KCNMB4: variants seen among roughly 807,000 people sequenced by gnomAD.
KCNMB4 encodes potassium calcium-activated channel subfamily M regulatory beta subunit 4.
KCNMB4 carries 3 observed loss-of-function variants against 20.7 expected under a neutral mutation model. That is an observed-to-expected ratio of 0.14 (90% CI 0.07 to 0.37). The LOEUF (loss-of-function observed/expected upper bound fraction) is 0.37. KCNMB4 is among the 10% of genes least tolerant of loss of function. The pLI is 1.00. For missense variants in KCNMB4, 168 were observed against 265.9 expected (o/e 0.63, Z 2.56); for synonymous variants, 110 against 113.4 (o/e 0.97, Z 0.19).
At chr12:70,408,402 C>T (rs558536758) in intron 2 of KCNMB4, among the ~76,000 whole-genome samples, 46 of 152,290 alleles carry the variant, frequency 3.0e-4, no homozygotes, top group Non-Finnish European at 5.6e-4. Context: ...CTTTCGATTT[C>T]GCTCAAATGC....
At chr12:70,381,360 C>G (rs1883783157) in intron 1 of KCNMB4, among the ~76,000 whole-genome samples, 1 of 152,108 alleles carries the variant, frequency 6.6e-6, no homozygotes, top group Non-Finnish European at 1.5e-5. Context: ...GCCATGTGAC[C>G]AAGCAACTTT....
At chr12:70,381,499 T>G (rs1046417552) in intron 1 of KCNMB4, among the ~76,000 whole-genome samples, 2 of 152,204 alleles carry the variant, frequency 1.3e-5, no homozygotes, top group Non-Finnish European at 2.9e-5. Context: ...AACTGATGAA[T>G]GGATAAATGA....
chr12:70,384,023 C>T (rs551553094), intron 1 of KCNMB4, among the ~76,000 whole-genome samples: 357 of 152,222 alleles, frequency 2.3e-3, no homozygotes, highest in Middle Eastern at 0.014. Flanking sequence ...GAGCCGAGAC[C>T]GTGCCACTGC....
At chr12:70,379,672 A>G (rs1276029195) in intron 1 of KCNMB4, among the ~76,000 whole-genome samples, 1 of 152,192 alleles carries the variant, frequency 6.6e-6, no homozygotes, top group African/African-American at 2.4e-5. Context: ...TTCTCCCTTC[A>G]GAATGCTGGG....
chr12:70,399,255 G>A (rs956071815), intron 1 of KCNMB4, among the ~76,000 whole-genome samples: 13 of 152,206 alleles, frequency 8.5e-5, no homozygotes, highest in Non-Finnish European at 1.0e-4. Context: ...TCTATGTTGT[G>A]TTGGTTTGGT....
intron 2 of KCNMB4, among the ~76,000 whole-genome samples, chr12:70,429,666 C>T (rs1488203218): frequency 8.5e-6 from 1 of 117,188 alleles, no homozygotes; most frequent in Non-Finnish European, 1.7e-5. Context: ...GACTCCATCT[C>T]AAAAAAAAAA....
At chr12:70,394,938 A>G (rs997439818) in intron 1 of KCNMB4, among the ~76,000 whole-genome samples, 1 of 152,172 alleles carries the variant, frequency 6.6e-6, no homozygotes, top group African/African-American at 2.4e-5. Context: ...ACATGTTGGG[A>G]TTACAGGCTT....
chr12:70,411,943 T>C (rs576356357), intron 2 of KCNMB4, among the ~76,000 whole-genome samples: 65 of 152,100 alleles, frequency 4.3e-4, no homozygotes, highest in African/African-American at 1.4e-3. Context: ...GGAGGGTAGA[T>C]TGATAGAAGC....
chr12:70,390,729 A>C (rs1381374878), intron 1 of KCNMB4, among the ~76,000 whole-genome samples: 1 of 152,146 alleles, frequency 6.6e-6, no homozygotes, highest in East Asian at 1.9e-4. Context: ...TTCCTCCAAA[A>C]TGTGAAGACG....
chr12:70,417,429 C>T (rs1352164328), intron 2 of KCNMB4, among the ~76,000 whole-genome samples: 1 of 152,148 alleles, frequency 6.6e-6, no homozygotes, highest in East Asian at 1.9e-4. Flanking sequence ...GTTGAAGGAA[C>T]AGGAACTGCT....
At chr12:70,371,471 GGA>G (rs1883593157) in intron 1 of KCNMB4, among the ~76,000 whole-genome samples, 1 of 152,070 alleles carries the variant, frequency 6.6e-6, no homozygotes, top group Non-Finnish European at 1.5e-5. Flanking sequence ...ACTCCTTCCT[GGA>G]ACATTCAGTT....
At chr12:70,384,614 G>A (rs1387337387) in intron 1 of KCNMB4, among the ~76,000 whole-genome samples, 3 of 152,230 alleles carry the variant, frequency 2.0e-5, no homozygotes, top group South Asian at 2.1e-4. Flanking sequence ...TCTAAGTGTA[G>A]TGGCTCATGC....
intron 2 of KCNMB4, among the ~76,000 whole-genome samples, chr12:70,415,997 A>T (rs565139369): frequency 2.6e-5 from 4 of 152,224 alleles, no homozygotes; most frequent in Non-Finnish European, 4.4e-5. Flanking sequence ...GTACCAAGAA[A>T]GTCTTTTAAA....
At chr12:70,405,987 A>G (rs1868589284) in intron 2 of KCNMB4, among the ~76,000 whole-genome samples, 1 of 152,236 alleles carries the variant, frequency 6.6e-6, no homozygotes, top group Non-Finnish European at 1.5e-5. Context: ...ACATGGATGA[A>G]CCTGGAGGAC....
intron 2 of KCNMB4, among the ~76,000 whole-genome samples, chr12:70,407,529 T>A (rs182804544): frequency 0.12 from 16,691 of 136,538 alleles, 1,232 homozygotes; most frequent in Middle Eastern, 0.24. Flanking sequence ...GTGCAGTGGC[T>A]TGATCTCTGC....
At chr12:70,368,526 ATGT>A (rs1330427351) in intron 1 of KCNMB4, among the ~76,000 whole-genome samples, 1 of 152,140 alleles carries the variant, frequency 6.6e-6, no homozygotes, top group Non-Finnish European at 1.5e-5. Flanking sequence ...TCAAAGACAA[ATGT>A]TGTAACTTGA....
chr12:70,368,180 A>G (rs61929943), intron 1 of KCNMB4, among the ~76,000 whole-genome samples: 1 of 152,182 alleles, frequency 6.6e-6, no homozygotes, highest in Non-Finnish European at 1.5e-5. Context: ...TGTTCACAGG[A>G]AAACTTTCTG....
chr12:70,401,029 A>G (rs1229212942), intron 2 of KCNMB4, among the ~76,000 whole-genome samples: 1 of 151,820 alleles, frequency 6.6e-6, no homozygotes, highest in African/African-American at 2.4e-5. Context: ...ACCATCATGT[A>G]TTTTTGTTTG....
chr12:70,417,684 T>G (rs2136139022), intron 2 of KCNMB4, among the ~76,000 whole-genome samples: 1 of 152,288 alleles, frequency 6.6e-6, no homozygotes, highest in African/African-American at 2.4e-5. Flanking sequence ...GGAAAAAACC[T>G]CCATGAAATC....
Sources: allele counts gnomAD v4.1 joint callset (sites outside exome capture counted in the v4.1 genomes callset), GRCh38; gene constraint gnomAD v4.1.1; transcripts MANE v1.5; gene names NCBI Gene and HGNC (gene_info 2026-07-23, HGNC 2026-07-21).